Variants in NFE2L2 observed in about 807,000 individuals in gnomAD.
The protein encoded by NFE2L2 is NFE2 like bZIP transcription factor 2.
Under a neutral mutation model 49.6 loss-of-function variants are expected in NFE2L2, and 20 were observed. The observed-to-expected ratio is 0.40, with a 90% CI of 0.28 to 0.59. The LOEUF is 0.59. Among genes scored for constraint, NFE2L2 ranks in the 20% least tolerant of loss-of-function variants. The probability of loss-of-function intolerance (pLI) is 0.40; values close to 1 mark genes in which losing one functional copy is unlikely to be tolerated. For synonymous variants in NFE2L2, 244 were observed against 256.5 expected (o/e 0.95, Z 0.47); for missense variants, 578 against 714.2 (o/e 0.81, Z 2.17).
chr2:177,244,055 C>T (rs1690033828), intron 1 of NFE2L2, among the ~76,000 whole-genome samples: 1 of 150,514 alleles, frequency 6.6e-6, no homozygotes, highest in Non-Finnish European at 1.5e-5. Context: ...AATCCCAGCA[C>T]TTTAGGAGGC....
At chr2:177,257,593 C>T (rs1419028505) in intron 1 of NFE2L2, among the ~76,000 whole-genome samples, 2 of 152,200 alleles carry the variant, frequency 1.3e-5, no homozygotes, top group Non-Finnish European at 2.9e-5. Context: ...TTTTCTAAAT[C>T]ACTATATACT....
chr2:177,243,363 A>G (rs1288640875), intron 1 of NFE2L2, among the ~76,000 whole-genome samples: 1 of 152,204 alleles, frequency 6.6e-6, no homozygotes, highest in Non-Finnish European at 1.5e-5. Context: ...GTCCCCCATG[A>G]GGGTGGGCAC....
intron 1 of NFE2L2, among the ~76,000 whole-genome samples, chr2:177,255,727 T>C (rs571095068): frequency 6.6e-6 from 1 of 152,174 alleles, no homozygotes; most frequent in African/African-American, 2.4e-5. Flanking sequence ...ATCCAGCTAA[T>C]TTTTTTAATT....
chr2:177,264,680 T>TGGCGGCTGCGTCGGC lies in NFE2L2; in HGVS notation c.-119_-105dup, dbSNP rs1690874298. ...GCTCTGGTGGCGGCGGCGGCGGCGG[T>TGGCGGCTGCGTCGGC]GGCGGCTGCGTCGGCGGCTCCTCCG... On this transcript the variant is annotated 5_prime_UTR_variant, in exon 1 of 5. Transcript: ENST00000397062. The TGGCGGCTGCGTCGGC allele has an allele frequency of 4.4e-6, 4 of 913,068 alleles. No individual in the cohort carries two copies. Among genetic ancestry groups the TGGCGGCTGCGTCGGC allele is most frequent in the Middle Eastern group, 3.5e-4 (1 of 2,870 alleles). The allele number at this position is 913,068 out of a possible 1,614,324, so 56.6% of individuals were successfully genotyped here. A position where few individuals can be genotyped will look rare whatever the true frequency, so the allele number is the denominator to read the frequency against.
chr2:177,243,412 A>G (rs774080337), intron 1 of NFE2L2, among the ~76,000 whole-genome samples: 1 of 152,162 alleles, frequency 6.6e-6, no homozygotes, highest in African/African-American at 2.4e-5. Flanking sequence ...GCTTCTACAG[A>G]TACTTCTGCC....
rs756313236 is a variant in NFE2L2, at chr2:177,231,792, A to G, written c.811T>C (p.Leu271=). The change falls in exon 5 of 5, where the codon TTA becomes CTA. Residue 271 remains leucine (L), a synonymous_variant. Transcript: ENST00000397062. ...EDPNQLTVNS[L]NSDATVNTDF... ...GTGTTGACTGTGGCATCTGAATTTA[A>G]TGAGTTCACTGTCAACTGGTTGGGG... is the stretch of plus-strand genomic sequence containing the variant. 3.1e-6 allele frequency: 5 copies of G among 1,614,116 alleles called. No homozygotes were observed.
intron 1 of NFE2L2, among the ~76,000 whole-genome samples, chr2:177,257,066 G>A (rs910247410): frequency 6.6e-5 from 10 of 152,268 alleles, no homozygotes; most frequent in South Asian, 2.1e-4. Flanking sequence ...GTAAATATAA[G>A]TGGGAGCCAC....
chr2:177,260,928 T>G (rs184632003), intron 1 of NFE2L2, among the ~76,000 whole-genome samples: 8 of 152,234 alleles, frequency 5.3e-5, no homozygotes, highest in African/African-American at 1.9e-4. Context: ...CCCAACACTT[T>G]GGGAGGCCGA....
In NFE2L2 at chr2:177,230,786, T is replaced by C. The variant is rs779911242; in HGVS notation, c.1817A>G (p.Ter606TrpextTer2). 3.8e-6 allele frequency: 6 copies of C among 1,576,372 alleles called. No individual in the cohort carries two copies. The South Asian group carries it at 7.1e-5, about 19-fold the overall frequency. ...AGAAAAGGTCAAATCCTCCTAAATC[T>C]AGTTTTTCTTAACATCTGGCTTCTT... ...KSKKPDVKKN[*>W] Residue 606 changes from the stop codon to tryptophan, a stop_lost, in exon 5 of 5, where the codon TAG (stop) becomes TGG (tryptophan). Coordinates refer to ENST00000397062, the MANE Select transcript of NFE2L2 (RefSeq NM_006164.5).
At chr2:177,235,030 C>T (rs1346294276) in intron 1 of NFE2L2, among the ~76,000 whole-genome samples, 5 of 151,714 alleles carry the variant, frequency 3.3e-5, no homozygotes, top group African/African-American at 9.7e-5. Context: ...GCAGGAGAAT[C>T]GGCTTGAACC....
Position 177,231,205 on chromosome 2 carries a change from G to T in NFE2L2, c.1398C>A (p.Ile466=). The T allele has an allele frequency of 6.2e-7, 1 of 1,614,200 alleles. No homozygotes were observed. The highest frequency in any genetic ancestry group is 1.7e-5 in the Admixed American group (1 of 60,026). The change falls in exon 5 of 5, where the codon ATC becomes ATA. Residue 466 remains isoleucine (I), a synonymous_variant. Coordinates refer to ENST00000397062, the MANE Select transcript of NFE2L2 (RefSeq NM_006164.5). The part of the protein sequence containing the change: ...RDELRAKALH[I]PFPVEKIINL... ...TAATGATTTTTTCTACAGGGAATGG[G>T]ATATGGAGAGCTTTTGCCCTAAGTT...
chr2:177,263,908 G>T, intron 1 of NFE2L2: 1 of 985,586 alleles, frequency 1.0e-6, no homozygotes, highest in Middle Eastern at 5.2e-4. Context: ...GCTCAAGGCT[G>T]CCAGAGAGTG....
At position 177,245,078 on chromosome 2, in the gene NFE2L2, T is replaced by C. The variant is rs1371502115; in HGVS notation, c.46-10807A>G. Among the ~76,000 whole-genome samples the C allele has an allele frequency of 7.2e-4, 109 of 150,404 alleles. 3 individuals carry two copies. The highest frequency in any genetic ancestry group is 1.5e-5 in the Non-Finnish European group (1 of 67,634). Reference sequence around the variant, plus strand: ...CATCCTTCGTCTCCCTTCTTGGTGGTGGCAATGTTTTCCCTCATCTCCTCC... The same window carrying C: ...CATCCTTCGTCTCCCTTCTTGGTGGCGGCAATGTTTTCCCTCATCTCCTCC... On this transcript the variant is annotated intron_variant, in intron 1 of 4. Coordinates refer to ENST00000397062, the MANE Select transcript of NFE2L2 (RefSeq NM_006164.5).
At chr2:177,236,230 C>T (rs1177011494) in intron 1 of NFE2L2, among the ~76,000 whole-genome samples, 1 of 152,248 alleles carries the variant, frequency 6.6e-6, no homozygotes, top group Non-Finnish European at 1.5e-5. Flanking sequence ...AACAGAGGAG[C>T]AGGCCACCCA....
At chr2:177,239,116 T>C (rs1181865051) in intron 1 of NFE2L2, among the ~76,000 whole-genome samples, 1 of 152,200 alleles carries the variant, frequency 6.6e-6, no homozygotes, top group Non-Finnish European at 1.5e-5. Flanking sequence ...AAGACATCTT[T>C]ATGAATCCTT....
At position 177,231,952 on chromosome 2, in the gene NFE2L2, T is replaced by C. The variant is rs1478523520; in HGVS notation, c.651A>G (p.Glu217=). 1 of 1,614,026 alleles carries C rather than the reference T, an allele frequency of 6.2e-7. No homozygotes were observed. The highest frequency in any genetic ancestry group is 1.1e-5 in the South Asian group (1 of 91,070). The change falls in exon 5 of 5, where the codon GAA becomes GAG. Residue 217 remains glutamate, a synonymous_variant. Coordinates refer to ENST00000397062, the MANE Select transcript of NFE2L2 (RefSeq NM_006164.5). ...LVETTMVPSP[E]AKLTEVDNYH... Reference sequence around the variant, plus strand: ...AATTGTCAACTTCTGTCAGTTTGGCTTCTGGACTTGGAACCATGGTAGTCT... The same window carrying C: ...AATTGTCAACTTCTGTCAGTTTGGCCTCTGGACTTGGAACCATGGTAGTCT...
chr2:177,263,687 G>C, intron 1 of NFE2L2: 1 of 985,496 alleles, frequency 1.0e-6, no homozygotes, highest in Admixed American at 6.1e-5. Flanking sequence ...TAGAAGCCCC[G>C]GGTGCCGCCG....
chr2:177,231,206 A>G lies in NFE2L2; in HGVS notation c.1397T>C (p.Ile466Thr). 6.2e-7 allele frequency: 1 copy of G among 1,614,170 alleles called. No individual in the cohort carries two copies. Among genetic ancestry groups the G allele is most frequent in the Non-Finnish European group, 8.5e-7 (1 of 1,180,032 alleles). ...AATGATTTTTTCTACAGGGAATGGG[A>G]TATGGAGAGCTTTTGCCCTAAGTTC... is the stretch of plus-strand genomic sequence containing the variant. ...RDELRAKALH[I>T]PFPVEKIINL... Residue 466 changes from isoleucine to threonine, a missense_variant, in exon 5 of 5, where the codon ATC becomes ACC. This residue lies in a region of NFE2L2 where 117 missense variants were observed against 175.8 expected (regional missense o/e 0.67). Coordinates refer to ENST00000397062, the MANE Select transcript of NFE2L2 (RefSeq NM_006164.5).
chr2:177,234,515 A>G (rs1689673123), intron 1 of NFE2L2, among the ~76,000 whole-genome samples: 1 of 152,256 alleles, frequency 6.6e-6, no homozygotes, highest in Admixed American at 6.5e-5. Context: ...CACTTGGATC[A>G]TTAATGATAG....
Sources: allele counts gnomAD v4.1 joint callset (sites outside exome capture counted in the v4.1 genomes callset), GRCh38; gene constraint gnomAD v4.1.1; regional missense constraint gnomAD v4.1.1; transcripts MANE v1.5; gene names NCBI Gene and HGNC (gene_info 2026-07-23, HGNC 2026-07-21).